The following SINHCAF variants were observed in gnomAD, a reference collection of about 807,000 sequenced individuals.
SINHCAF encodes the protein SIN3-HDAC complex associated factor.
In SINHCAF, 3 loss-of-function variants were observed where a neutral mutation model predicts 25.8. That is an observed-to-expected ratio of 0.12 (90% confidence interval 0.05 to 0.30). SINHCAF has a LOEUF of 0.30. Ranked by LOEUF, SINHCAF falls within the 10% of genes least tolerant of loss-of-function variation. The pLI, the probability that SINHCAF is intolerant of heterozygous loss-of-function variation, is 1.00. For synonymous variants in SINHCAF, 70 were observed against 85.5 expected (o/e 0.82, Z 1.00); for missense variants, 121 against 262.3 (o/e 0.46, Z 3.72).
intron 4 of SINHCAF, among the ~76,000 whole-genome samples, chr12:31,290,289 G>A (rs557372602): frequency 6.6e-6 from 1 of 151,874 alleles, no homozygotes; most frequent in Non-Finnish European, 1.5e-5. Flanking sequence ...CTACAGGTGT[G>A]CACTACCACA....
At chr12:31,302,861 C>G in intron 1 of SINHCAF, 1 of 863,224 alleles carries the variant, frequency 1.2e-6, no homozygotes, top group Middle Eastern at 5.9e-4. Flanking sequence ...CAACCAGTAC[C>G]TGTTAGTAAA....
At chr12:31,322,667 T>C (rs997255123) in intron 1 of SINHCAF, among the ~76,000 whole-genome samples, 3 of 152,226 alleles carry the variant, frequency 2.0e-5, no homozygotes, top group Admixed American at 2.0e-4. Flanking sequence ...ATAGGTTTAT[T>C]AATAACAAAA....
chr12:31,307,248 G>A (rs751662617), intron 1 of SINHCAF, among the ~76,000 whole-genome samples: 1 of 152,146 alleles, frequency 6.6e-6, no homozygotes, highest in Non-Finnish European at 1.5e-5. Context: ...TCTCCAGGTA[G>A]AGGCAAACAA....
At chr12:31,285,418 T>TACACACACACACACACACAC (rs71444392) in intron 5 of SINHCAF, among the ~76,000 whole-genome samples, 20 of 141,354 alleles carry the variant, frequency 1.4e-4, no homozygotes, top group Non-Finnish European at 2.4e-4. Flanking sequence ...TATATATACA[T>TACACACACACACACACACAC]ACACACACAC....
intron 1 of SINHCAF, among the ~76,000 whole-genome samples, chr12:31,319,115 C>T (rs1414874004): frequency 2.0e-5 from 3 of 152,334 alleles, no homozygotes; most frequent in South Asian, 2.1e-4. Flanking sequence ...TGAAGCTGTT[C>T]TCCCATTTTC....
intron 4 of SINHCAF, among the ~76,000 whole-genome samples, chr12:31,291,307 C>A (rs1938303868): frequency 6.6e-6 from 1 of 152,118 alleles, no homozygotes; most frequent in South Asian, 2.1e-4. Context: ...TTTTACAAAG[C>A]CATTTTTTAC....
chr12:31,321,008 C>T lies in SINHCAF; in HGVS notation c.-21+5016G>A, dbSNP rs139046649. Reference sequence around the variant, plus strand: ...TTTTAGTTCAACTGTAACTTTCATACTTGAATATGTAACAGCGGTGTACCT... The same window carrying T: ...TTTTAGTTCAACTGTAACTTTCATATTTGAATATGTAACAGCGGTGTACCT... On this transcript the variant is annotated intron_variant, in intron 1 of 5. Transcript: ENST00000337682. Among the ~76,000 whole-genome samples, 546 of 152,314 alleles carry T rather than the reference C, an allele frequency of 3.6e-3. 10 individuals carry two copies. The highest frequency in any genetic ancestry group is 0.012 in the African/African-American group (510 of 41,566).
At chr12:31,307,869 A>G (rs1939100822) in intron 1 of SINHCAF, among the ~76,000 whole-genome samples, 1 of 152,140 alleles carries the variant, frequency 6.6e-6, no homozygotes, top group South Asian at 2.1e-4. Context: ...CAACATACCA[A>G]ATGTGTTCCC....
chr12:31,296,652 G>T (rs776226553), intron 2 of SINHCAF, among the ~76,000 whole-genome samples: 2 of 151,902 alleles, frequency 1.3e-5, no homozygotes, highest in Non-Finnish European at 2.9e-5. Context: ...CCGGGAGTTC[G>T]AGACCAGCCT....
intron 1 of SINHCAF, among the ~76,000 whole-genome samples, chr12:31,316,151 C>T (rs1427969105): frequency 6.6e-6 from 1 of 150,570 alleles, no homozygotes; most frequent in Admixed American, 6.6e-5. Context: ...GCCTTGGGGA[C>T]AAGAGCAAAA....
intron 1 of SINHCAF, chr12:31,304,150 T>G (rs1365115417): frequency 6.8e-6 from 1 of 147,032 alleles, no homozygotes; most frequent in Non-Finnish European, 1.5e-5. Flanking sequence ...GCCCTTCAAT[T>G]TGCCAGCTAT....
rs143360000 is a variant in SINHCAF, at chr12:31,310,165, C to T, written c.-20-11941G>A. Among the ~76,000 whole-genome samples, 294 of 152,230 alleles carry T rather than the reference C, an allele frequency of 1.9e-3. 1 individual carries two copies. The highest frequency in any genetic ancestry group is 3.4e-3 in the Middle Eastern group (1 of 294). ...TTGGCTAAGGGTATCACATTCACAG[C>T]CCTTGGGAGGAAGCCAAACCCAATG... is the stretch of plus-strand genomic sequence containing the variant. On this transcript the variant is annotated intron_variant, in intron 1 of 5. Transcript: ENST00000337682.
chr12:31,312,101 CA>C, intron 1 of SINHCAF: 5 of 466,602 alleles, frequency 1.1e-5, no homozygotes, highest in South Asian at 8.1e-5. Context: ...CCAATGGTAA[CA>C]ACTGACATTT....
intron 2 of SINHCAF, among the ~76,000 whole-genome samples, chr12:31,296,128 A>C (rs930193036): frequency 1.3e-5 from 2 of 152,256 alleles, no homozygotes; most frequent in East Asian, 1.9e-4. Flanking sequence ...ATTGCTGTTT[A>C]ATTAATCTTT....
At chr12:31,314,201 A>C (rs1465070919) in intron 1 of SINHCAF, among the ~76,000 whole-genome samples, 1 of 151,952 alleles carries the variant, frequency 6.6e-6, no homozygotes, top group Non-Finnish European at 1.5e-5. Flanking sequence ...AGAAGAAGAA[A>C]AATCAGATCC....
intron 5 of SINHCAF, among the ~76,000 whole-genome samples, chr12:31,284,713 C>G (rs906863732): frequency 6.6e-6 from 1 of 152,248 alleles, no homozygotes; most frequent in African/African-American, 2.4e-5. Flanking sequence ...AGACCATTTT[C>G]GCCCACCAAT....
chr12:31,286,471 G>A (rs142735773), intron 5 of SINHCAF, among the ~76,000 whole-genome samples: 1,895 of 152,118 alleles, frequency 0.012, 20 homozygotes, highest in Non-Finnish European at 0.019. Context: ...AGACCAGCCT[G>A]ACCAACATGG....
chr12:31,324,580 C>A lies in SINHCAF; in HGVS notation c.-21+1444G>T. On this transcript the variant is annotated intron_variant, in intron 1 of 5. Coordinates refer to ENST00000337682, the MANE Select transcript of SINHCAF (RefSeq NM_001135812.2). This position sits in a 1 kb window ranked among gnomAD's most constrained non-coding sequence, Gnocchi z 5.5. Reference sequence around the variant, plus strand: ...CCGAAACTCGCCCGAACTTCGAGGGCCTCCGACCTGCACGGCCCTACGCCC... The same window carrying A: ...CCGAAACTCGCCCGAACTTCGAGGGACTCCGACCTGCACGGCCCTACGCCC... 1 of 191,868 alleles carries A rather than the reference C, an allele frequency of 5.2e-6. No individual in the cohort carries two copies. The highest frequency in any genetic ancestry group is 1.1e-5 in the Non-Finnish European group (1 of 91,144). The allele number at this position is 191,868 out of a possible 1,614,324, so 11.9% of individuals were successfully genotyped here.
At chr12:31,313,966 T>G (rs1167556128) in intron 1 of SINHCAF, among the ~76,000 whole-genome samples, 1 of 152,028 alleles carries the variant, frequency 6.6e-6, no homozygotes, top group Non-Finnish European at 1.5e-5. Context: ...ATTAAATGTT[T>G]TAATCCCTTA....
Sources: gnomAD v4.1 joint callset for allele counts (sites outside exome capture counted in the v4.1 genomes callset) on GRCh38, gnomAD v4.1.1 for gene constraint, Gnocchi (gnomAD v3.1) non-coding constraint, MANE v1.5 for transcripts, NCBI Gene and HGNC (gene_info 2026-07-23, HGNC 2026-07-21) for gene names.